The following SERPINB8 variants were observed in gnomAD, a reference collection of about 807,000 sequenced individuals.
SERPINB8 encodes serpin B8.
In SERPINB8, 25 loss-of-function variants were observed where a neutral mutation model predicts 35.3. The observed-to-expected ratio is 0.71, with a 90% CI of 0.52 to 0.99. SERPINB8 has a LOEUF of 0.99. SERPINB8 is among the 50% of genes least tolerant of loss of function. The pLI, the probability that SERPINB8 is intolerant of heterozygous loss-of-function variation, is 0.00. For synonymous variants in SERPINB8, 186 were observed against 160.8 expected (o/e 1.16, Z -1.19); for missense variants, 484 against 446.5 (o/e 1.08, Z -0.76).
rs1049121834 is a variant in SERPINB8 at position 63,988,751 on chromosome 18, G to A, written c.*1473G>A. ...AATTTGACCAAGCCAGGATATATCT[G>A]TTAGGCCACATTCATTTAGGGATCA... On this transcript the variant is annotated 3_prime_UTR_variant, in exon 7 of 7. Coordinates refer to ENST00000397985, the MANE Select transcript of SERPINB8 (RefSeq NM_002640.4). 4 of 151,348 alleles carry A rather than the reference G, an allele frequency of 2.6e-5. No homozygotes were observed. The highest frequency in any genetic ancestry group is 6.6e-5 in the Admixed American group (1 of 15,248). The allele number at this position is 151,348 out of a possible 1,614,324, so 9.4% of individuals were successfully genotyped here.
At chr18:63,981,904 G>T in intron 4 of SERPINB8, 66 bp downstream of exon 4, 1 of 1,123,042 alleles carries the variant, frequency 8.9e-7, no homozygotes, top group Non-Finnish European at 1.3e-6. Context: ...GACTGGGATG[G>T]GACTTCCCAG....
intron 1 of SERPINB8, among the ~76,000 whole-genome samples, chr18:63,994,481 C>T (rs187451756): frequency 6.5e-4 from 99 of 152,164 alleles, no homozygotes; most frequent in African/African-American, 2.1e-3. Context: ...CTGAGGGTAC[C>T]GCAGAACACT....
intron 1 of SERPINB8, among the ~76,000 whole-genome samples, chr18:64,000,540 A>G (rs958805021): frequency 6.6e-6 from 1 of 152,010 alleles, no homozygotes; most frequent in Admixed American, 6.6e-5. Flanking sequence ...TGATCTCGGG[A>G]GGGAGGCACC....
chr18:63,980,995 TC>T (rs2050662020), intron 3 of SERPINB8, among the ~76,000 whole-genome samples: 1 of 152,032 alleles, frequency 6.6e-6, no homozygotes, highest in African/African-American at 2.4e-5. Context: ...TTTCCCTTAA[TC>T]CCCTCCCTGA....
intron 3 of SERPINB8, among the ~76,000 whole-genome samples, chr18:63,980,161 G>A (rs1005128007): frequency 1.3e-5 from 2 of 151,960 alleles, no homozygotes; most frequent in African/African-American, 4.8e-5. Context: ...TCTCCTGCAC[G>A]CAGCCCTGCT....
intron 5 of SERPINB8, among the ~76,000 whole-genome samples, chr18:63,984,502 C>T (rs1252225493): frequency 1.3e-5 from 2 of 152,174 alleles, no homozygotes; most frequent in Non-Finnish European, 2.9e-5. Flanking sequence ...TGGCTGGTAT[C>T]AATAGTTGTT....
intron 1 of SERPINB8, among the ~76,000 whole-genome samples, chr18:63,972,713 C>T (rs1383586517): frequency 8.5e-6 from 1 of 117,120 alleles, no homozygotes; most frequent in Non-Finnish European, 1.6e-5. Context: ...TTGTTCAGTT[C>T]CCACCTATGA....
At chr18:63,989,909 C>G (rs1201650468), downstream of SERPINB8, among the ~76,000 whole-genome samples, 2 of 124,196 alleles carry the variant, frequency 1.6e-5, no homozygotes, top group African/African-American at 6.2e-5. Flanking sequence ...CGCCACTGCA[C>G]TCCAGCCTGG....
At chr18:64,013,287 A>G (rs2050934321) in intron 7 of SERPINB8, among the ~76,000 whole-genome samples, 1 of 151,676 alleles carries the variant, frequency 6.6e-6, no homozygotes, top group African/African-American at 2.4e-5. Context: ...AAGTTCCTCC[A>G]CCCTGATTTA....
intron 1 of SERPINB8, among the ~76,000 whole-genome samples, chr18:63,972,819 T>C (rs190646521): frequency 6.2e-4 from 94 of 152,348 alleles, no homozygotes; most frequent in African/African-American, 2.0e-3. Flanking sequence ...GGACATGAAC[T>C]CATCGTTTTT....
chr18:64,019,445 C>T (rs2050965940), exon 8 of SERPINB8: 1 of 152,246 alleles, frequency 6.6e-6, no homozygotes, highest in Non-Finnish European at 1.5e-5. Context: ...GCTCCCACTT[C>T]TCCTCGACTC....
chr18:63,985,008 C>A, intron 5 of SERPINB8, 85 bp from the exon 6 acceptor site: 2 of 1,356,190 alleles, frequency 1.5e-6, no homozygotes, highest in Non-Finnish European at 2.1e-6. Context: ...ATTATACACA[C>A]CTAGAGTTTC....
exon 2 of SERPINB8, chr18:64,004,957 G>A (rs2050893028): frequency 5.0e-6 from 2 of 397,736 alleles, no homozygotes; most frequent in Admixed American, 8.8e-5. Flanking sequence ...TCTAAAAGAG[G>A]CAATGTCATA....
intron 1 of SERPINB8, among the ~76,000 whole-genome samples, chr18:63,998,451 G>A (rs554095207): frequency 9.1e-4 from 138 of 152,224 alleles, no homozygotes; most frequent in South Asian, 6.8e-3. Context: ...AGCAATGATC[G>A]CATATTTTAA....
rs1398369625 is a variant in SERPINB8, at chr18:63,986,894, T to C, written c.741T>C (p.Tyr247=). The change falls in exon 7 of 7, where the codon TAT becomes TAC. Residue 247 remains tyrosine (Y), a synonymous_variant. Coordinates refer to ENST00000397985, the MANE Select transcript of SERPINB8 (RefSeq NM_002640.4). ...CCTAGGTGGAAAAAGCACTTACATA[T>C]GAGAAATTCAAAGCCTGGACAAATT... is the stretch of plus-strand genomic sequence containing the variant. ...DLAVVEKALT[Y]EKFKAWTNSE... 6.2e-7 allele frequency: 1 copy of C among 1,609,184 alleles called. No homozygotes were observed. Among genetic ancestry groups the C allele is most frequent in the Non-Finnish European group, 8.5e-7 (1 of 1,177,596 alleles).
At chr18:64,004,652 CT>C (rs1359903844) in intron 1 of SERPINB8, among the ~76,000 whole-genome samples, 1 of 152,002 alleles carries the variant, frequency 6.6e-6, no homozygotes, top group Non-Finnish European at 1.5e-5. Context: ...TGAAAGCTTG[CT>C]GATTTTTATT....
At chr18:63,979,620 C>A (rs2050637942) in intron 2 of SERPINB8, among the ~76,000 whole-genome samples, 181 bp from the exon 3 acceptor site, 2 of 152,178 alleles carry the variant, frequency 1.3e-5, no homozygotes, top group South Asian at 4.1e-4. Context: ...AAGGAAGTGT[C>A]CTGGCCCCAA....
At chr18:63,986,372 C>A (rs906112259) in intron 6 of SERPINB8, 1 of 1,570,026 alleles carries the variant, frequency 6.4e-7, no homozygotes. Flanking sequence ...GCTCCCTTCT[C>A]ATGCCTCCCT....
At chr18:64,009,323 G>T (rs1278140270), downstream of SERPINB8, among the ~76,000 whole-genome samples, 1 of 152,178 alleles carries the variant, frequency 6.6e-6, no homozygotes, top group African/African-American at 2.4e-5. Context: ...AATGTGTTCT[G>T]TGGAACTTGA....
Sources: allele counts gnomAD v4.1 joint callset (sites outside exome capture counted in the v4.1 genomes callset), GRCh38; gene constraint gnomAD v4.1.1; transcripts MANE v1.5; gene names NCBI Gene and HGNC (gene_info 2026-07-23, HGNC 2026-07-21).